The following PRAG1 variants were observed in gnomAD, a reference collection of about 807,000 sequenced individuals.
The protein encoded by PRAG1 is PEAK1 related, kinase-activating pseudokinase 1.
Under a neutral mutation model 95.6 loss-of-function variants are expected in PRAG1, and 110 were observed. The ratio of observed to expected loss-of-function variants is 1.15; its 90% CI spans 0.99 to 1.35. PRAG1 has a LOEUF of 1.35. Among genes scored for constraint, PRAG1 ranks in the 40% most tolerant of loss-of-function variants. The probability of loss-of-function intolerance (pLI) is 0.00; values close to 1 mark genes in which losing one functional copy is unlikely to be tolerated. For synonymous variants in PRAG1, 1,052 were observed against 819.4 expected (o/e 1.28, Z -4.85); for missense variants, 2,554 against 1,864.7 (o/e 1.37, Z -6.81).
intron 4 of PRAG1, among the ~76,000 whole-genome samples, chr8:8,335,157 T>C (rs914733575): frequency 3.9e-5 from 6 of 152,170 alleles, no homozygotes; most frequent in Non-Finnish European, 5.9e-5. Flanking sequence ...AAAATACACA[T>C]ACAGTTTGAT....
chr8:8,383,795 C>T (rs1310147152), intron 1 of PRAG1, among the ~76,000 whole-genome samples: 2 of 152,118 alleles, frequency 1.3e-5, no homozygotes, highest in Non-Finnish European at 2.9e-5. Context: ...GGTCACTGGG[C>T]TTCAACAAGC....
chr8:8,378,911 G>A (rs1287312125), intron 2 of PRAG1, among the ~76,000 whole-genome samples: 1 of 151,938 alleles, frequency 6.6e-6, no homozygotes, highest in Admixed American at 6.6e-5. Flanking sequence ...GAAACACATT[G>A]GGTGGGTGGG....
At position 8,376,800 on chromosome 8, in the gene PRAG1, TGC is replaced by T. The variant is rs1397805705; in HGVS notation, c.1607_1608del (p.Ser536LysfsTer16). On this transcript the variant is annotated frameshift_variant, in exon 3 of 6. Transcript: ENST00000615670. LOFTEE classifies it high-confidence loss of function. ...RESHAHSASE[S>X]KPKERPAIPP... ...GGAATGGCGGGCCTCTCCTTGGGCT[TGC>T]TCTCGCTGGCACTGTGAGCATGGCT... 6.2e-7 allele frequency: 1 copy of T among 1,611,590 alleles called. No individual in the cohort carries two copies.
chr8:8,361,347 A>G (rs1413800751), intron 3 of PRAG1, among the ~76,000 whole-genome samples: 1 of 152,186 alleles, frequency 6.6e-6, no homozygotes, highest in Non-Finnish European at 1.5e-5. Context: ...AATCTGGGTT[A>G]TATGGTGGGA....
intron 1 of PRAG1, among the ~76,000 whole-genome samples, chr8:8,384,359 T>C (rs1800779790): frequency 1.3e-5 from 2 of 152,028 alleles, no homozygotes; most frequent in African/African-American, 4.8e-5. Flanking sequence ...GAAGTTTCCT[T>C]GAGAATGTCT....
In PRAG1 at chr8:8,364,280, G is replaced by A. The variant is rs749017171; in HGVS notation, c.2162+11967C>T. 3.3e-5 allele frequency among the ~76,000 whole-genome samples: 5 copies of A among 152,166 alleles called. No homozygotes were observed. The South Asian group carries it at 8.3e-4, about 25-fold the overall frequency. ...CTCTGATTATTAATGAAGTTAAGTA[G>A]CTCTTCAAATTCTTGCCCTGCATTT... On this transcript the variant is annotated intron_variant, in intron 3 of 5. Coordinates refer to ENST00000615670, the MANE Select transcript of PRAG1 (RefSeq NM_001080826.3).
chr8:8,328,552 A>G, intron 4 of PRAG1, 91 bp from the exon 5 acceptor site: 1 of 1,343,736 alleles, frequency 7.4e-7, no homozygotes, highest in Non-Finnish European at 1.0e-6. Context: ...TTATTTATTT[A>G]TTTGGTCAGA....
chr8:8,339,098 A>C (rs1417429178), intron 4 of PRAG1, among the ~76,000 whole-genome samples: 1 of 149,362 alleles, frequency 6.7e-6, no homozygotes, highest in Non-Finnish European at 1.5e-5. Context: ...GTAGATGCAA[A>C]AGAGAGAGAG....
At chr8:8,339,700 T>G (rs924929108) in intron 3 of PRAG1, 65 bp from the exon 4 acceptor site, 14 of 1,524,330 alleles carry the variant, frequency 9.2e-6, no homozygotes, top group Non-Finnish European at 1.3e-5. Flanking sequence ...ACCAGGCTGA[T>G]GGATCATGAA....
chr8:8,375,612 G>C (rs564160327), intron 3 of PRAG1, among the ~76,000 whole-genome samples: 1 of 152,164 alleles, frequency 6.6e-6, no homozygotes, highest in Non-Finnish European at 1.5e-5. Context: ...AGTTTATTGA[G>C]CACGCATTTA....
intron 3 of PRAG1, among the ~76,000 whole-genome samples, chr8:8,347,580 G>C (rs1334075114): frequency 6.6e-6 from 1 of 151,204 alleles, no homozygotes; most frequent in African/African-American, 2.4e-5. Flanking sequence ...TGGTGGATAA[G>C]AACACTCTGT....
chr8:8,319,113 C>G lies in PRAG1; in HGVS notation c.3262G>C (p.Val1088Leu). 1 of 1,608,728 alleles carries G rather than the reference C, an allele frequency of 6.2e-7. No homozygotes were observed. The highest frequency in any genetic ancestry group is 1.1e-5 in the South Asian group (1 of 90,818). ...THPPAQEQDCVVVITREVPHQ... is the reference protein window; with the variant it reads ...THPPAQEQDCLVVITREVPHQ... ...GGCACCTCTCGGGTGATGACCACCACGCAGTCCTGCTCCTGGGCAGGGGGG... is the reference window on the plus strand; with the variant it reads ...GGCACCTCTCGGGTGATGACCACCAGGCAGTCCTGCTCCTGGGCAGGGGGG... The change falls in exon 6 of 6, where the codon GTG becomes CTG. Residue 1088 changes from valine (V) to leucine (L), a missense_variant. By Grantham distance (32) the Val-to-Leu change is conservative. Transcript: ENST00000615670.
In PRAG1 at chr8:8,327,953, G is replaced by A. The variant is rs372967430; in HGVS notation, c.2829C>T (p.Ser943=). ...AGGTGCCCTCCTTGCTGCTGATGTT[G>A]CTCAGGAGACCGTGCAGCTGAAGCT... ...STQLQLHGLL[S]NISSKEGTYA... Residue 943 remains serine, a synonymous_variant, in exon 5 of 6, where the codon AGC becomes AGT. Coordinates refer to ENST00000615670, the MANE Select transcript of PRAG1 (RefSeq NM_001080826.3). The A allele has an allele frequency of 1.2e-6, 2 of 1,611,086 alleles. No homozygotes were observed. Among genetic ancestry groups the A allele is most frequent in the Non-Finnish European group, 1.7e-6 (2 of 1,178,132 alleles).
Position 8,376,299 on chromosome 8 carries a change from C to A in PRAG1, c.2110G>T (p.Asp704Tyr). The A allele has an allele frequency of 6.2e-7, 1 of 1,614,164 alleles. No homozygotes were observed. The highest frequency in any genetic ancestry group is 1.1e-5 in the South Asian group (1 of 91,080). ...GAGAATGTCTCAATCCCACTTCTGT[C>A]CTTGGGGAACTCAAAGGCAAAAGAG... The part of the protein sequence containing the change: ...SASFAFEFPK[D>Y]RSGIETFSPP... Residue 704 changes from aspartate (D) to tyrosine (Y), a missense_variant, in exon 3 of 6, where the codon GAC becomes TAC. By Grantham distance (160) the Asp-to-Tyr change is radical. Transcript: ENST00000615670.
In PRAG1 at chr8:8,374,015, C is replaced by T. The variant is rs181507213; in HGVS notation, c.2162+2232G>A. Among the ~76,000 whole-genome samples, 10 of 152,296 alleles carry T rather than the reference C, an allele frequency of 6.6e-5. No homozygotes were observed. The East Asian group carries it at 7.7e-4, about 12-fold the overall frequency. On this transcript the variant is annotated intron_variant, in intron 3 of 5. Transcript: ENST00000615670. ...GTTACTTCTCCAAGGCTCAGAGTGG[C>T]GTTCCTGGGATTGAGCCATGCTAGT...
chr8:8,343,832 G>C (rs1032888419), intron 3 of PRAG1, among the ~76,000 whole-genome samples: 1 of 152,068 alleles, frequency 6.6e-6, no homozygotes, highest in Non-Finnish European at 1.5e-5. Context: ...TCAGTTACTG[G>C]CTGGTCTTGA....
At position 8,328,208 on chromosome 8, in the gene PRAG1, G is replaced by A. The variant is rs1249057754; in HGVS notation, c.2574C>T (p.Asp858=). 14 of 1,614,064 alleles carry A rather than the reference G, an allele frequency of 8.7e-6. No homozygotes were observed. Among genetic ancestry groups the A allele is most frequent in the African/African-American group, 4.0e-5 (3 of 74,922 alleles). The change falls in exon 5 of 6, where the codon GAC becomes GAT. Residue 858 remains aspartate, a synonymous_variant. Coordinates refer to ENST00000615670, the MANE Select transcript of PRAG1 (RefSeq NM_001080826.3). ...NLSHSETNVH[D]ESHFSYSLSP... ...TCAACGAATAGCTAAAGTGAGATTCGTCGTGGACGTTGGTTTCCGAGTGGC... is the reference window on the plus strand; with the variant it reads ...TCAACGAATAGCTAAAGTGAGATTCATCGTGGACGTTGGTTTCCGAGTGGC...
intron 5 of PRAG1, among the ~76,000 whole-genome samples, chr8:8,323,960 C>T (rs1482661008): frequency 1.3e-5 from 2 of 152,258 alleles, no homozygotes; most frequent in East Asian, 1.9e-4. Flanking sequence ...TGAAGATGGA[C>T]GGTATTTATC....
At chr8:8,382,262 A>G (rs1393847322) in intron 1 of PRAG1, among the ~76,000 whole-genome samples, 1 of 152,224 alleles carries the variant, frequency 6.6e-6, no homozygotes, top group Non-Finnish European at 1.5e-5. Context: ...GTCAAGCAGT[A>G]CAGCAAATAA....
Sources: gnomAD v4.1 joint callset for allele counts (sites outside exome capture counted in the v4.1 genomes callset) on GRCh38, gnomAD v4.1.1 for gene constraint, MANE v1.5 for transcripts, NCBI Gene and HGNC (gene_info 2026-07-23, HGNC 2026-07-21) for gene names.